MTSS2: variants seen among roughly 807,000 people sequenced by gnomAD.
MTSS2 encodes protein MTSS 2.
MTSS2 carries 27 observed loss-of-function variants against 67.1 expected under a neutral mutation model. That is an observed-to-expected ratio of 0.40 (90% CI 0.30 to 0.55). The LOEUF is 0.55. Ranked by LOEUF, MTSS2 falls within the 20% of genes least tolerant of loss-of-function variation. The pLI is 0.43. For missense variants in MTSS2, 1,171 were observed against 1,067.8 expected, an observed-to-expected ratio of 1.10 and a Z score of -1.35; for synonymous variants, 624 against 468.6, an observed-to-expected ratio of 1.33 and a Z score of -4.28.
chr16:70,676,878 G>T lies in MTSS2; in HGVS notation c.830+3C>A. 6.2e-7 allele frequency: 1 copy of T among 1,612,420 alleles called. No individual in the cohort carries two copies. Among genetic ancestry groups the T allele is most frequent in the East Asian group, 2.2e-5 (1 of 44,872 alleles). On this transcript the variant is annotated splice_donor_region_variant and intron_variant, in intron 10 of 14. Transcript: ENST00000338779. ...CACCCCTGGGAACCCCACCCCCACT[G>T]ACCTGCACATGCTGGACTTCCGGGA...
At chr16:70,668,653 G>A (rs1383548596) in intron 11 of MTSS2, among the ~76,000 whole-genome samples, 1 of 152,134 alleles carries the variant, frequency 6.6e-6, no homozygotes, top group Non-Finnish European at 1.5e-5. Flanking sequence ...CCCAAGATAA[G>A]GTATTGAGAG....
chr16:70,674,679 G>T (rs988861787), intron 10 of MTSS2, 151 bp from the exon 11 acceptor site: 2 of 702,378 alleles, frequency 2.8e-6, no homozygotes, highest in Admixed American at 2.4e-5. Flanking sequence ...AGACCCAGGT[G>T]CTACACAGGA....
rs1182488228 is a variant in MTSS2, at chr16:70,665,561, G to A, written c.1054-21C>T. Reference sequence around the variant, plus strand: ...GACTTCTGCCATGCAGAGGCCAGCAGGCGGTTGCAGACAGAGGGGCCGGCA... The same window carrying A: ...GACTTCTGCCATGCAGAGGCCAGCAAGCGGTTGCAGACAGAGGGGCCGGCA... On this transcript the variant is annotated intron_variant, in intron 11 of 14. Coordinates refer to ENST00000338779, the MANE Select transcript of MTSS2 (RefSeq NM_138383.3). 4.5e-6 allele frequency: 7 copies of A among 1,542,840 alleles called. No homozygotes were observed. In the African/African-American group the frequency reaches 8.2e-5, roughly 18 times the overall value.
chr16:70,663,969 T>G lies in MTSS2; in HGVS notation c.1952A>C (p.Glu651Ala), dbSNP rs759062878. Residue 651 changes from glutamate (E) to alanine (A), a missense_variant, in exon 15 of 15, where the codon GAG (glutamate) becomes GCG (alanine). Coordinates refer to ENST00000338779, the MANE Select transcript of MTSS2 (RefSeq NM_138383.3). The part of the protein sequence containing the change: ...PNTAWGSPSP[E>A]AAGYPGAGAE... ...CCCTGCCCCGGGGTACCCGGCTGCC[T>G]CTGGGGATGGGCTGCCCCAGGCTGT... is the stretch of plus-strand genomic sequence containing the variant. 2 of 1,574,872 alleles carry G rather than the reference T, an allele frequency of 1.3e-6. No individual in the cohort carries two copies. Among genetic ancestry groups the G allele is most frequent in the African/African-American group, 1.3e-5 (1 of 74,318 alleles).
In MTSS2 at chr16:70,677,885, G is replaced by A. The variant is rs1375029712; in HGVS notation, c.639C>T (p.Thr213=). The A allele has an allele frequency of 6.2e-7, 1 of 1,609,162 alleles. No individual in the cohort carries two copies. ...GCAGGTGGGTGATCTCTCCCAGCAT[G>A]GTCAGCTCTCCATTCTGAGGAAGCA... ...FLQPVVNGEL[T]MLGEITHLQG... The change falls in exon 9 of 15, where the codon ACC becomes ACT. Residue 213 remains threonine, a synonymous_variant. Coordinates refer to ENST00000338779, the MANE Select transcript of MTSS2 (RefSeq NM_138383.3).
rs1314078302 is a variant in MTSS2 at position 70,663,143 on chromosome 16, C to A, written c.*534G>T. 6.4e-6 allele frequency: 1 copy of A among 155,152 alleles called. No individual in the cohort carries two copies. Among genetic ancestry groups the A allele is most frequent in the Non-Finnish European group, 1.4e-5 (1 of 70,132 alleles). 9.6% of individuals were successfully genotyped at this position (155,152 alleles called of 1,614,324 possible). ...CAACCTGCCGCCCTGGCCCCCAGCC[C>A]CCAGCAGACATCCAGCCCAGCGTGC... On this transcript the variant is annotated 3_prime_UTR_variant, in exon 15 of 15. Coordinates refer to ENST00000338779, the MANE Select transcript of MTSS2 (RefSeq NM_138383.3).
Position 70,679,610 on chromosome 16 carries a change from G to T in MTSS2, c.457+20C>A. ...AGCGGGGCCGTGGGGCTGTGGCTGG[G>T]GGGCCGCGCCAGGCACTACCTTTGC... is the stretch of plus-strand genomic sequence containing the variant. On this transcript the variant is annotated intron_variant, in intron 6 of 14. Coordinates refer to ENST00000338779, the MANE Select transcript of MTSS2 (RefSeq NM_138383.3). 1 of 1,583,676 alleles carries T rather than the reference G, an allele frequency of 6.3e-7. No homozygotes were observed. Among genetic ancestry groups the T allele is most frequent in the Non-Finnish European group, 8.6e-7 (1 of 1,164,584 alleles).
chr16:70,673,791 ATATT>A (rs2053019768), intron 11 of MTSS2, among the ~76,000 whole-genome samples: 1 of 152,146 alleles, frequency 6.6e-6, no homozygotes, highest in Non-Finnish European at 1.5e-5. Flanking sequence ...AAAAAAATAT[ATATT>A]AAGGGCCTTG....
In MTSS2 at chr16:70,663,640, C is replaced by A. The variant is rs192891034; in HGVS notation, c.*37G>T. ...CGGCTCACAGACCAGGCCACCTGCT[C>A]GCACTGGGGCCTGAGAGGATGGGGA... On this transcript the variant is annotated 3_prime_UTR_variant, in exon 15 of 15. Coordinates refer to ENST00000338779, the MANE Select transcript of MTSS2 (RefSeq NM_138383.3). 173 of 1,517,764 alleles carry A rather than the reference C, an allele frequency of 1.1e-4. No individual in the cohort carries two copies. Among genetic ancestry groups the A allele is most frequent in the Non-Finnish European group, 1.5e-4 (166 of 1,132,904 alleles). The allele number at this position is 1,517,764 out of a possible 1,614,324, so 94.0% of individuals were successfully genotyped here.
chr16:70,664,047 G>A lies in MTSS2; in HGVS notation c.1874C>T (p.Pro625Leu), dbSNP rs750327534. ...CVFYTDETAS[P>L]LAPDLAKASP... ...GGCCTTGGCGAGGTCCGGTGCCAGGGGTGAGGCGGTCTCGTCGGTATAGAA... is the reference window on the plus strand; with the variant it reads ...GGCCTTGGCGAGGTCCGGTGCCAGGAGTGAGGCGGTCTCGTCGGTATAGAA... The change falls in exon 15 of 15, where the codon CCC becomes CTC. Residue 625 changes from proline to leucine, a missense_variant. Pro to Leu is a moderately conservative substitution (Grantham distance 98). Around this residue, in one of 2 missense-constraint regions of MTSS2, gnomAD observed 924 missense variants for 756.0 expected, o/e 1.22. Transcript: ENST00000338779. 2.4e-5 allele frequency: 39 copies of A among 1,610,046 alleles called. No homozygotes were observed. The highest frequency in any genetic ancestry group is 5.0e-5 in the Admixed American group (3 of 59,694).
rs201351382 is a variant in MTSS2 at position 70,681,031 on chromosome 16, G to C, written c.70-6C>G. 3.7e-6 allele frequency: 6 copies of C among 1,607,414 alleles called. No homozygotes were observed. The Admixed American group carries it at 5.1e-5, about 14-fold the overall frequency. On this transcript the variant is annotated splice_region_variant and splice_polypyrimidine_tract_variant and intron_variant, in intron 1 of 14. Coordinates refer to ENST00000338779, the MANE Select transcript of MTSS2 (RefSeq NM_138383.3). ...TCCCAGATAGGGTAGGAGCTCTGCC[G>C]GGCAAATGGGAGAGAAAGTGAGCTT... is the stretch of plus-strand genomic sequence containing the variant.
In MTSS2 at chr16:70,679,669, ACTT is replaced by A; in HGVS notation, c.415_417del (p.Lys139del). The A allele has an allele frequency of 6.2e-7, 1 of 1,610,802 alleles. No individual in the cohort carries two copies. The highest frequency in any genetic ancestry group is 8.5e-7 in the Non-Finnish European group (1 of 1,178,758). ...TTCTGCAGCTTCAGCGTGTCCGACGACTTCTTTTTGATCTCATGCCGGGCTCGT... is the reference window on the plus strand; with the variant it reads ...TTCTGCAGCTTCAGCGTGTCCGACGACTTTTTGATCTCATGCCGGGCTCGT... On this transcript the variant is annotated inframe_deletion, in exon 6 of 15. Transcript: ENST00000338779.
chr16:70,668,504 GT>G (rs2052805122), intron 11 of MTSS2, among the ~76,000 whole-genome samples: 1 of 152,166 alleles, frequency 6.6e-6, no homozygotes, highest in African/African-American at 2.4e-5. Context: ...GTAGGACAGA[GT>G]GCCAAGTCCA....
intron 11 of MTSS2, among the ~76,000 whole-genome samples, chr16:70,667,573 C>A (rs1025656638): frequency 1.3e-5 from 2 of 151,934 alleles, no homozygotes; most frequent in Non-Finnish European, 2.9e-5. Flanking sequence ...AAGATCTTTA[C>A]ACAAAAACTA....
chr16:70,674,453 A>T lies in MTSS2; in HGVS notation c.906T>A (p.Ser302Arg), dbSNP rs778796000. 8.1e-6 allele frequency: 13 copies of T among 1,614,180 alleles called. No homozygotes were observed. Among genetic ancestry groups the T allele is most frequent in the Non-Finnish European group, 1.0e-5 (12 of 1,180,038 alleles). ...WPGGAQTYSP[S>R]STCRYRSLAQ... ...CCAGGCTGCGGTAGCGACAGGTGGAACTGGGTGAGTATGTTTGGGCACCCC... is the reference window on the plus strand; with the variant it reads ...CCAGGCTGCGGTAGCGACAGGTGGATCTGGGTGAGTATGTTTGGGCACCCC... The change falls in exon 11 of 15, where the codon AGT becomes AGA. Residue 302 changes from serine (S) to arginine (R), a missense_variant. Around this residue, in one of 2 missense-constraint regions of MTSS2, gnomAD observed 924 missense variants for 756.0 expected, o/e 1.22. Transcript: ENST00000338779.
At chr16:70,669,978 G>A (rs930471661) in intron 11 of MTSS2, among the ~76,000 whole-genome samples, 2 of 150,992 alleles carry the variant, frequency 1.3e-5, no homozygotes, top group East Asian at 2.0e-4. Context: ...GCAATGAACT[G>A]TCATAATCTT....
Position 70,664,754 on chromosome 16 carries a change from C to T in MTSS2, c.1315G>A (p.Glu439Lys). 1 of 1,610,744 alleles carries T rather than the reference C, an allele frequency of 6.2e-7. No individual in the cohort carries two copies. Among genetic ancestry groups the T allele is most frequent in the Non-Finnish European group, 8.5e-7 (1 of 1,178,876 alleles). The change falls in exon 14 of 15, where the codon GAG (glutamate) becomes AAG (lysine). Residue 439 changes from glutamate to lysine, a missense_variant. Glu to Lys is a moderately conservative substitution (Grantham distance 56, BLOSUM62 1). Transcript: ENST00000338779. ...AGGTCACTGGCGGCGGGGGACACCT[C>T]CTCACCGTGCTGAGGGTGGGAAAGT... ...PATIAAKHGE[E>K]VSPAASDLAM... is the part of the protein sequence containing the mutation.
Position 70,663,501 on chromosome 16 carries a change from AGTCACTTCCT to A in MTSS2, c.*166_*175del, listed in dbSNP as rs2052569306. 8.0e-6 allele frequency: 10 copies of A among 1,247,408 alleles called. No individual in the cohort carries two copies. The highest frequency in any genetic ancestry group is 3.2e-5 in the Admixed American group (1 of 31,602). 77.3% of individuals were successfully genotyped at this position (1,247,408 alleles called of 1,614,324 possible). The stretch of plus-strand genomic sequence containing the variant: ...TCCGTCCTGGCCAGGCTTGCTAAGA[AGTCACTTCCT>A]GTTTAAATGCTGGAATCCAAGTGAG... On this transcript the variant is annotated 3_prime_UTR_variant, in exon 15 of 15. Transcript: ENST00000338779.
At position 70,664,592 on chromosome 16, in the gene MTSS2, G is replaced by A; in HGVS notation, c.1471+6C>T. The A allele has an allele frequency of 6.2e-7, 1 of 1,610,990 alleles. No homozygotes were observed. The highest frequency in any genetic ancestry group is 8.5e-7 in the Non-Finnish European group (1 of 1,178,654). ...CCCTGGTCCCACCCCAGCCCCGCGG[G>A]CCTGCCTTGGGAGGGGATGGTGTCC... On this transcript the variant is annotated splice_donor_region_variant and intron_variant, in intron 14 of 14. Coordinates refer to ENST00000338779, the MANE Select transcript of MTSS2 (RefSeq NM_138383.3).
Sources: allele counts gnomAD v4.1 joint callset (sites outside exome capture counted in the v4.1 genomes callset), GRCh38; gene constraint gnomAD v4.1.1; regional missense constraint gnomAD v4.1.1; transcripts MANE v1.5; gene names NCBI Gene and HGNC (gene_info 2026-07-23, HGNC 2026-07-21).